The following ZBTB8A variants were observed in gnomAD, a reference collection of about 807,000 sequenced individuals.
The protein encoded by ZBTB8A is zinc finger and BTB domain containing 8A.
In ZBTB8A, 19 loss-of-function variants were observed where a neutral mutation model predicts 37.8. The observed-to-expected ratio is 0.50, with a 90% confidence interval of 0.35 to 0.74. The LOEUF is 0.74. ZBTB8A is among the 30% of genes least tolerant of loss of function. The probability of loss-of-function intolerance (pLI) is 0.01; values close to 1 mark genes in which losing one functional copy is unlikely to be tolerated. For synonymous variants in ZBTB8A, 181 were observed against 185.2 expected (o/e 0.98, Z 0.19); for missense variants, 394 against 537.8 (o/e 0.73, Z 2.65).
chr1:32,563,166 C>G (rs1644255995), intron 2 of ZBTB8A, among the ~76,000 whole-genome samples: 1 of 152,094 alleles, frequency 6.6e-6, no homozygotes, highest in South Asian at 2.1e-4. Flanking sequence ...GCATTTCCCC[C>G]AGAGGCAAAT....
intron 2 of ZBTB8A, among the ~76,000 whole-genome samples, chr1:32,557,588 A>G (rs1019410530): frequency 6.6e-6 from 1 of 152,042 alleles, no homozygotes; most frequent in African/African-American, 2.4e-5. Context: ...TCAGCCCCCA[A>G]GTAGCTGGGA....
chr1:32,571,217 A>C (rs1644320564), intron 2 of ZBTB8A, among the ~76,000 whole-genome samples: 1 of 152,184 alleles, frequency 6.6e-6, no homozygotes, highest in Non-Finnish European at 1.5e-5. Context: ...GCACTGACCA[A>C]CACCTCTAGT....
intron 2 of ZBTB8A, among the ~76,000 whole-genome samples, chr1:32,574,352 C>A (rs1474462263): frequency 6.6e-6 from 1 of 151,928 alleles, no homozygotes; most frequent in African/African-American, 2.4e-5. Flanking sequence ...CGCCTGTAAT[C>A]CCTGAGGCTG....
At chr1:32,588,740 T>G (rs1027238649) in intron 2 of ZBTB8A, among the ~76,000 whole-genome samples, 5 of 152,002 alleles carry the variant, frequency 3.3e-5, no homozygotes, top group African/African-American at 1.2e-4. Context: ...TCCCAGCACT[T>G]TGGGAGGCCG....
intron 2 of ZBTB8A, among the ~76,000 whole-genome samples, chr1:32,581,287 T>A (rs1418925983): frequency 1.1e-5 from 1 of 91,872 alleles, no homozygotes; most frequent in Non-Finnish European, 2.1e-5. Flanking sequence ...AATATTAATA[T>A]ATATTTATAT....
chr1:32,576,009 A>C (rs911729867), intron 2 of ZBTB8A, among the ~76,000 whole-genome samples: 1 of 152,148 alleles, frequency 6.6e-6, no homozygotes, highest in Non-Finnish European at 1.5e-5. Flanking sequence ...TTCACTTATT[A>C]CTCATCACAT....
chr1:32,600,330 G>C lies in ZBTB8A; in HGVS notation c.1237G>C (p.Val413Leu). ...EDENRSYVEI[V>L]EDGSADLVIQ... The stretch of plus-strand genomic sequence containing the variant: ...TGAGAATAGATCCTATGTGGAGATT[G>C]TAGAAGATGGGTCTGCTGATCTGGT... The change falls in exon 5 of 5, where the codon GTA (valine) becomes CTA (leucine). Residue 413 changes from valine (V) to leucine (L), a missense_variant. By Grantham distance (32) the Val-to-Leu change is conservative. Around this residue, in one of 4 missense-constraint regions of ZBTB8A, gnomAD observed 85 missense variants for 89.0 expected, o/e 0.95. Coordinates refer to ENST00000373510, the MANE Select transcript of ZBTB8A (RefSeq NM_001040441.3). 6.2e-7 allele frequency: 1 copy of C among 1,614,150 alleles called. No homozygotes were observed. Among genetic ancestry groups the C allele is most frequent in the Non-Finnish European group, 8.5e-7 (1 of 1,180,026 alleles).
At chr1:32,596,832 C>T (rs1400962385) in intron 4 of ZBTB8A, among the ~76,000 whole-genome samples, 1 of 151,978 alleles carries the variant, frequency 6.6e-6, no homozygotes, top group African/African-American at 2.4e-5. Context: ...TTTTTATATA[C>T]TGGTCTGTTC....
chr1:32,562,687 C>T (rs1019199338), intron 2 of ZBTB8A, among the ~76,000 whole-genome samples: 6 of 150,742 alleles, frequency 4.0e-5, no homozygotes, highest in African/African-American at 1.5e-4. Flanking sequence ...AGCGATTCTC[C>T]TGCCTTGCCT....
chr1:32,590,866 G>A (rs1011734012), intron 2 of ZBTB8A, among the ~76,000 whole-genome samples: 1 of 151,946 alleles, frequency 6.6e-6, no homozygotes, highest in Admixed American at 6.6e-5. Flanking sequence ...ACTTGTCATT[G>A]TAACTTCATA....
At chr1:32,560,007 A>G (rs546426861) in intron 2 of ZBTB8A, among the ~76,000 whole-genome samples, 179 of 152,290 alleles carry the variant, frequency 1.2e-3, no homozygotes, top group African/African-American at 4.0e-3. Flanking sequence ...TACAGGAAGC[A>G]TAGTAGCTTC....
intron 2 of ZBTB8A, among the ~76,000 whole-genome samples, chr1:32,573,374 C>T (rs1319718284): frequency 6.7e-6 from 1 of 150,306 alleles, no homozygotes; most frequent in Non-Finnish European, 1.5e-5. Flanking sequence ...GCGCCTGGCC[C>T]TTCTCTAGAT....
intron 2 of ZBTB8A, among the ~76,000 whole-genome samples, chr1:32,589,994 C>A (rs1033069176): frequency 6.6e-6 from 1 of 152,088 alleles, no homozygotes; most frequent in African/African-American, 2.4e-5. Context: ...AGAGACCCAC[C>A]CTTCCTGAGC....
chr1:32,568,814 C>G (rs1188196309), intron 2 of ZBTB8A, among the ~76,000 whole-genome samples: 1 of 152,098 alleles, frequency 6.6e-6, no homozygotes, highest in Non-Finnish European at 1.5e-5. Flanking sequence ...AGTTTGTTGG[C>G]TCTATTGTTC....
intron 2 of ZBTB8A, among the ~76,000 whole-genome samples, chr1:32,580,787 T>A (rs1285156114): frequency 6.6e-6 from 1 of 151,932 alleles, no homozygotes; most frequent in Non-Finnish European, 1.5e-5. Context: ...CAGAAGTTTA[T>A]TTGGCTCACA....
chr1:32,563,394 G>A (rs1186108293), intron 2 of ZBTB8A, among the ~76,000 whole-genome samples: 1 of 152,164 alleles, frequency 6.6e-6, no homozygotes, highest in Non-Finnish European at 1.5e-5. Context: ...TGTAAGACCT[G>A]ATTCCCCACC....
intron 1 of ZBTB8A, among the ~76,000 whole-genome samples, chr1:32,540,950 C>T (rs960307463): frequency 6.6e-6 from 1 of 152,164 alleles, no homozygotes; most frequent in Non-Finnish European, 1.5e-5. Context: ...GGAAGGAGGC[C>T]ACACCACTAA....
intron 1 of ZBTB8A, among the ~76,000 whole-genome samples, 155 bp downstream of exon 1, chr1:32,539,727 GA>G (rs1484733546): frequency 0.12 from 161 of 1,312 alleles, 1 homozygote; most frequent in Middle Eastern, 0.17. Flanking sequence ...CCCGGGCCGG[GA>G]GCGCGGCGGG....
rs763311181 is a variant in ZBTB8A at position 32,595,656 on chromosome 1, G to GTT, written c.993+443_993+444dup. On this transcript the variant is annotated intron_variant, in intron 4 of 4. Transcript: ENST00000373510. ...GCCATCTCAGCTCACTGCAGCTTTT[G>GTT]TTTTTTTTTTTGAGACAGGGTCTCT... Among the ~76,000 whole-genome samples, 846 of 123,882 alleles carry GTT rather than the reference G, an allele frequency of 6.8e-3. 16 individuals carry two copies. Among genetic ancestry groups the GTT allele is most frequent in the Middle Eastern group, 0.022 (5 of 230 alleles). The allele number at this position is 123,882 out of a possible 152,430, so 81.3% of individuals were successfully genotyped here. A position where few individuals can be genotyped will look rare whatever the true frequency, so the allele number is the denominator to read the frequency against.
Sources: gnomAD v4.1 joint callset for allele counts (sites outside exome capture counted in the v4.1 genomes callset) on GRCh38, gnomAD v4.1.1 for gene constraint, gnomAD v4.1.1 regional missense constraint, MANE v1.5 for transcripts, NCBI Gene and HGNC (gene_info 2026-07-23, HGNC 2026-07-21) for gene names.